Variants in TENM2 observed in about 807,000 individuals in gnomAD.
TENM2 encodes teneurin-2.
TENM2 carries 52 observed loss-of-function variants against 245.2 expected under a neutral mutation model. That is an observed-to-expected ratio of 0.21 (90% CI 0.17 to 0.27). The LOEUF is 0.27. Ranked by LOEUF, TENM2 falls within the 10% of genes least tolerant of loss-of-function variation. The pLI, the probability that TENM2 is intolerant of heterozygous loss-of-function variation, is 1.00. For synonymous variants in TENM2, 1,363 were observed against 1,438.9 expected (o/e 0.95, Z 1.19); for missense variants, 3,046 against 3,666.8 (o/e 0.83, Z 4.37).
the TENM2 span, among the ~76,000 whole-genome samples, chr5:167,249,164 C>G: frequency 6.6e-6 from 1 of 152,068 alleles, no homozygotes; most frequent in African/African-American, 2.4e-5. Context: ...TACTGGAGTG[C>G]CTGTAAAATA....
chr5:167,492,868 C>G (rs929716184), intron 2 of TENM2, among the ~76,000 whole-genome samples: 3 of 151,902 alleles, frequency 2.0e-5, no homozygotes, highest in Non-Finnish European at 4.4e-5. Flanking sequence ...GAATGGCTCA[C>G]CCTGAAATTC....
intron 2 of TENM2, among the ~76,000 whole-genome samples, chr5:167,492,120 A>T (rs947326782): frequency 2.0e-5 from 3 of 152,190 alleles, no homozygotes; most frequent in Non-Finnish European, 4.4e-5. Context: ...GCAGAAAAGC[A>T]TTTATATCAT....
chr5:167,550,699 A>AGTGTGTGTGTGTGT (rs10581183), intron 2 of TENM2, among the ~76,000 whole-genome samples: 1 of 114,190 alleles, frequency 8.8e-6, no homozygotes, highest in Non-Finnish European at 1.8e-5. Flanking sequence ...TGTTGTTGTT[A>AGTGTGTGTGTGTGT]GTGTGTGTGT....
chr5:167,023,474 A>T, the TENM2 span, among the ~76,000 whole-genome samples: 1 of 152,220 alleles, frequency 6.6e-6, no homozygotes, highest in Admixed American at 6.5e-5. Flanking sequence ...AGACTCAGAG[A>T]AATCAGATGT....
At chr5:167,839,616 T>C (rs58352835) in intron 2 of TENM2, among the ~76,000 whole-genome samples, 4,181 of 152,094 alleles carry the variant, frequency 0.027, 117 homozygotes, top group African/African-American at 0.075. Context: ...AAATGTAAAG[T>C]GAATGTAATG....
chr5:167,705,450 A>T (rs1758440105), intron 2 of TENM2, among the ~76,000 whole-genome samples: 1 of 152,158 alleles, frequency 6.6e-6, no homozygotes. Context: ...ACTTTAGAAG[A>T]CGTTCTTTAT....
At chr5:167,959,804 C>CT (rs936861806) in intron 4 of TENM2, among the ~76,000 whole-genome samples, 2 of 152,098 alleles carry the variant, frequency 1.3e-5, no homozygotes, top group Non-Finnish European at 2.9e-5. Flanking sequence ...AATTTTCAGC[C>CT]TTTTTGCGCT....
the TENM2 span, among the ~76,000 whole-genome samples, chr5:167,035,096 C>T: frequency 6.6e-6 from 1 of 152,136 alleles, no homozygotes; most frequent in Non-Finnish European, 1.5e-5. Flanking sequence ...TTTTGCTTTT[C>T]ATACTTTCCA....
chr5:167,645,404 G>A (rs935585356), intron 2 of TENM2, among the ~76,000 whole-genome samples: 1 of 152,094 alleles, frequency 6.6e-6, no homozygotes, highest in African/African-American at 2.4e-5. Flanking sequence ...AGGAGGAAAG[G>A]TGTGGAGTTG....
chr5:168,008,690 G>A (rs1027452245), intron 5 of TENM2, among the ~76,000 whole-genome samples: 1 of 152,068 alleles, frequency 6.6e-6, no homozygotes, highest in Non-Finnish European at 1.5e-5. Flanking sequence ...GTCTTGTGTC[G>A]ACTATCAAGA....
At chr5:167,705,046 AG>A (rs1758411063) in intron 2 of TENM2, among the ~76,000 whole-genome samples, 1 of 152,194 alleles carries the variant, frequency 6.6e-6, no homozygotes, top group African/African-American at 2.4e-5. Flanking sequence ...TGTTGCTTTG[AG>A]TTTGCAGGAA....
At chr5:168,094,204 G>A (rs1469850397) in intron 8 of TENM2, among the ~76,000 whole-genome samples, 2 of 152,162 alleles carry the variant, frequency 1.3e-5, no homozygotes, top group African/African-American at 2.4e-5. Flanking sequence ...TGAGGAAAGT[G>A]AGGAAAACAC....
At chr5:167,146,491 C>T in the TENM2 span, among the ~76,000 whole-genome samples, 1 of 152,024 alleles carries the variant, frequency 6.6e-6, no homozygotes, top group African/African-American at 2.4e-5. Flanking sequence ...AGCCTGCTAT[C>T]GACAGAGGAG....
In TENM2 at chr5:167,357,194, T is replaced by A. The variant is rs146140244; in HGVS notation, c.227-18004T>A. On this transcript the variant is annotated intron_variant, in intron 1 of 28. Coordinates refer to ENST00000518659, the Ensembl canonical transcript of TENM2. ...GTAATACTAATTGATTACTGTGGAT[T>A]CAGAATTTGTAGTTATAACTTATAC... 2.3e-3 allele frequency among the ~76,000 whole-genome samples: 344 copies of A among 152,308 alleles called. 1 individual carries two copies. Among genetic ancestry groups the A allele is most frequent in the African/African-American group, 8.0e-3 (331 of 41,558 alleles).
intron 4 of TENM2, among the ~76,000 whole-genome samples, chr5:167,963,991 C>T (rs1781203412): frequency 6.6e-6 from 1 of 152,190 alleles, no homozygotes; most frequent in South Asian, 2.1e-4. Context: ...CAACGAAAAT[C>T]AAACATAAGG....
chr5:168,102,570 G>C (rs913175965), intron 9 of TENM2, among the ~76,000 whole-genome samples: 1 of 152,110 alleles, frequency 6.6e-6, no homozygotes, highest in African/African-American at 2.4e-5. Flanking sequence ...CATAAGCCTG[G>C]CGTCTGGAGA....
intron 2 of TENM2, among the ~76,000 whole-genome samples, chr5:167,608,105 A>G (rs1328248764): frequency 6.6e-6 from 1 of 152,186 alleles, no homozygotes; most frequent in Admixed American, 6.5e-5. Flanking sequence ...TAAAACTAAA[A>G]GTCATATCAC....
intron 7 of TENM2, among the ~76,000 whole-genome samples, chr5:168,066,582 A>C (rs925446984): frequency 6.6e-6 from 1 of 152,210 alleles, no homozygotes; most frequent in Admixed American, 6.5e-5. Flanking sequence ...ACACTTGCAT[A>C]AATGTAATAT....
At chr5:167,105,720 C>G in the TENM2 span, among the ~76,000 whole-genome samples, 3 of 149,766 alleles carry the variant, frequency 2.0e-5, no homozygotes, top group Non-Finnish European at 4.4e-5. Context: ...AACCCCGTCT[C>G]TACTAAAAAT....
Sources: gnomAD v4.1 joint callset for allele counts (sites outside exome capture counted in the v4.1 genomes callset) on GRCh38, gnomAD v4.1.1 for gene constraint, MANE v1.5 for transcripts, NCBI Gene and HGNC (gene_info 2026-07-23, HGNC 2026-07-21) for gene names.